Variants in CDH26 observed in about 807,000 individuals in gnomAD.
CDH26 encodes cadherin 26.
A neutral mutation model predicts 90.3 loss-of-function variants in CDH26; 83 were observed. That is an observed-to-expected ratio of 0.92 (90% CI 0.77 to 1.10). The LOEUF (loss-of-function observed/expected upper bound fraction) is 1.10. Ranked by LOEUF, CDH26 falls within the 50% of genes least tolerant of loss-of-function variation. CDH26 has a pLI of 0.00. For synonymous variants in CDH26, 397 were observed against 396.3 expected (o/e 1.00, Z -0.02); for missense variants, 1,013 against 1,037.6 (o/e 0.98, Z 0.33).
chr20:59,958,835 C>G (rs373471120), intron 1 of CDH26, 40 bp downstream of exon 1: 26 of 1,594,442 alleles, frequency 1.6e-5, no homozygotes, highest in Non-Finnish European at 2.2e-5. Context: ...GTGCAGGGAA[C>G]TGAAAGCAAA....
chr20:60,029,205 G>A (rs533011009), intron 7 of CDH26, among the ~76,000 whole-genome samples: 1 of 152,150 alleles, frequency 6.6e-6, no homozygotes, highest in Non-Finnish European at 1.5e-5. Context: ...GTTTGTCAAC[G>A]GGTATAAAGT....
In CDH26 at chr20:59,981,943, A is replaced by AT. The variant is rs570085032; in HGVS notation, c.394-980_394-979insT. On this transcript the variant is annotated intron_variant, in intron 4 of 17. Transcript: ENST00000348616. ...TAAACTATAAATTTCACTTTAAAAA[A>AT]ATATATAGGACTATACAGGTTTTCT... Among the ~76,000 whole-genome samples, 23 of 152,216 alleles carry AT rather than the reference A, an allele frequency of 1.5e-4. No homozygotes were observed. The South Asian group carries it at 4.6e-3, about 30-fold the overall frequency.
chr20:59,989,534 CAAAA>C (rs924037162), intron 9 of CDH26, among the ~76,000 whole-genome samples: 12 of 74,886 alleles, frequency 1.6e-4, no homozygotes, highest in Non-Finnish European at 2.6e-4. Flanking sequence ...GACTCCGTCT[CAAAA>C]AAAAAAAAAA....
Position 59,982,991 on chromosome 20 carries a change from G to A in CDH26, c.462G>A (p.Arg154=), listed in dbSNP as rs755718304. The A allele has an allele frequency of 2.5e-6, 4 of 1,614,088 alleles. No homozygotes were observed. Among genetic ancestry groups the A allele is most frequent in the Non-Finnish European group, 2.5e-6 (3 of 1,179,968 alleles). The change falls in exon 5 of 18, where the codon AGG becomes AGA. Residue 154 remains arginine, a synonymous_variant. Transcript: ENST00000348616. ...ATACATCCTTGATTTTCAACATTAG[G>A]ATCAGTGATGTGAATGATCATGCAC... ...IVDTSLIFNI[R]ISDVNDHAPQ...
intron 2 of CDH26, among the ~76,000 whole-genome samples, chr20:59,969,856 A>C (rs527302707): frequency 3.9e-5 from 6 of 152,286 alleles, no homozygotes. Flanking sequence ...TATCTCAAGA[A>C]CCACGTCAAA....
rs142437557 is a variant in CDH26 at position 59,960,576 on chromosome 20, G to A, written c.69+1781G>A. 5.3e-3 allele frequency among the ~76,000 whole-genome samples: 811 copies of A among 152,274 alleles called. 7 individuals carry two copies. The highest frequency in any genetic ancestry group is 0.018 in the African/African-American group (768 of 41,562). The stretch of plus-strand genomic sequence containing the variant: ...CTTACACAAAAAATACTTTTTCGAA[G>A]AAATCTTCCCAGCAACTTTTTGTGC... On this transcript the variant is annotated intron_variant, in intron 1 of 17. Coordinates refer to ENST00000348616, the MANE Select transcript of CDH26 (RefSeq NM_177980.4).
chr20:59,968,248 C>T (rs1025331445), intron 1 of CDH26, among the ~76,000 whole-genome samples: 4 of 151,844 alleles, frequency 2.6e-5, no homozygotes, highest in South Asian at 4.1e-4. Flanking sequence ...CAGGCGCGTG[C>T]CACCATGGCC....
At chr20:60,020,727 G>T (rs2061945381) in intron 7 of CDH26, among the ~76,000 whole-genome samples, 1 of 152,130 alleles carries the variant, frequency 6.6e-6, no homozygotes, top group African/African-American at 2.4e-5. Flanking sequence ...GGTATGTGTG[G>T]GTGAGAGCTT....
intron 1 of CDH26, 94 bp from the exon 2 acceptor site, chr20:59,968,873 C>A: frequency 5.2e-6 from 3 of 581,052 alleles, no homozygotes; most frequent in Non-Finnish European, 9.0e-6. Context: ...CTGTTTTCAT[C>A]ATTTCTAATT....
chr20:59,978,568 T>C (rs993202682), intron 4 of CDH26, among the ~76,000 whole-genome samples: 7 of 152,000 alleles, frequency 4.6e-5, no homozygotes, highest in Non-Finnish European at 1.0e-4. Flanking sequence ...AAGGTGGGGT[T>C]TCACTACGTT....
In CDH26 at chr20:60,006,742, ACTC is replaced by A. The variant is rs1340776207; in HGVS notation, c.2253_2255del (p.Leu752del). On this transcript the variant is annotated inframe_deletion, in exon 17 of 18. Coordinates refer to ENST00000348616, the MANE Select transcript of CDH26 (RefSeq NM_177980.4). ...ACCCAGATGCCACAATGCACAGACAACTCCTGGCTCCGGTGGAAGGAAGGATGG... is the reference window on the plus strand; with the variant it reads ...ACCCAGATGCCACAATGCACAGACAACTGGCTCCGGTGGAAGGAAGGATGG... 68 of 1,613,766 alleles carry A rather than the reference ACTC, an allele frequency of 4.2e-5. 1 individual carries two copies. The East Asian group carries it at 1.4e-3, about 34-fold the overall frequency.
chr20:60,033,852 T>C, exon 9 of CDH26: 1 of 972,756 alleles, frequency 1.0e-6, no homozygotes, highest in East Asian at 8.0e-5. Flanking sequence ...TAAATAACTT[T>C]TCCTCTGCAA....
intron 1 of CDH26, among the ~76,000 whole-genome samples, chr20:59,967,919 C>T (rs2061186858): frequency 7.4e-6 from 1 of 135,210 alleles, no homozygotes; most frequent in Admixed American, 7.6e-5. Flanking sequence ...CTTTCCTTTC[C>T]TTTCCTTTCC....
intron 7 of CDH26, among the ~76,000 whole-genome samples, chr20:60,024,274 T>G (rs1166228198): frequency 1.3e-5 from 2 of 152,128 alleles, no homozygotes; most frequent in Non-Finnish European, 1.5e-5. Flanking sequence ...CCCCCCACAC[T>G]GGGTACGGCA....
chr20:60,019,297 A>G (rs574453405), downstream of CDH26, among the ~76,000 whole-genome samples: 2 of 152,294 alleles, frequency 1.3e-5, no homozygotes, highest in South Asian at 2.1e-4. Context: ...TCCATAAAAT[A>G]TATTTCATAC....
intron 13 of CDH26, 97 bp from the exon 14 acceptor site, chr20:59,999,489 A>T (rs1248965551): frequency 1.0e-6 from 1 of 1,000,214 alleles, no homozygotes; most frequent in African/African-American, 1.6e-5. Flanking sequence ...CATAGATACA[A>T]TGTGTTTTGG....
downstream of CDH26, among the ~76,000 whole-genome samples, chr20:60,015,554 A>G (rs2061897815): frequency 6.6e-6 from 1 of 152,136 alleles, no homozygotes; most frequent in South Asian, 2.1e-4. Context: ...TAGTTTGCAG[A>G]TATTTTCTCC....
At chr20:60,011,730 T>G (rs914500286) in intron 17 of CDH26, among the ~76,000 whole-genome samples, 7 of 151,844 alleles carry the variant, frequency 4.6e-5, no homozygotes, top group African/African-American at 1.7e-4. Flanking sequence ...TAACAGGGGG[T>G]GCGCACTGCA....
chr20:60,001,331 T>C lies in CDH26; in HGVS notation c.2098-12T>C, dbSNP rs372308980. 19 of 1,613,816 alleles carry C rather than the reference T, an allele frequency of 1.2e-5. No individual in the cohort carries two copies. In the African/African-American group the frequency reaches 2.1e-4, roughly 18 times the overall value. On this transcript the variant is annotated splice_polypyrimidine_tract_variant and intron_variant, in intron 14 of 17. Coordinates refer to ENST00000348616, the MANE Select transcript of CDH26 (RefSeq NM_177980.4). Reference sequence around the variant, plus strand: ...CCATTCTCTTTTGAGTAAATCAGCATTTTCCCTCTAGGATCTCGAGGAAGT... The same window carrying C: ...CCATTCTCTTTTGAGTAAATCAGCACTTTCCCTCTAGGATCTCGAGGAAGT...
Sources: allele counts gnomAD v4.1 joint callset (sites outside exome capture counted in the v4.1 genomes callset), GRCh38; gene constraint gnomAD v4.1.1; transcripts MANE v1.5; gene names NCBI Gene and HGNC (gene_info 2026-07-23, HGNC 2026-07-21).